CORO1C: variants seen among roughly 807,000 people sequenced by gnomAD.
CORO1C encodes the protein coronin 1C.
CORO1C carries 14 observed loss-of-function variants against 51.2 expected under a neutral mutation model. The observed-to-expected ratio is 0.27, with a 90% confidence interval of 0.18 to 0.43. CORO1C has a LOEUF of 0.43. Ranked by LOEUF, CORO1C falls within the 20% of genes least tolerant of loss-of-function variation. CORO1C has a pLI of 1.00. For synonymous variants in CORO1C, 181 were observed against 210.5 expected, an observed-to-expected ratio of 0.86 and a Z score of 1.21; for missense variants, 417 against 607.8, an observed-to-expected ratio of 0.69 and a Z score of 3.30.
rs913637652 is a variant in CORO1C, at chr12:108,649,104, C to T, written c.1002-84G>A. 16 of 1,499,610 alleles carry T rather than the reference C, an allele frequency of 1.1e-5. No homozygotes were observed. The African/African-American group carries it at 2.1e-4, about 19-fold the overall frequency. 92.9% of individuals were successfully genotyped at this position (1,499,610 alleles called of 1,614,324 possible). On this transcript the variant is annotated intron_variant, in intron 8 of 10. Coordinates refer to ENST00000261401, the MANE Select transcript of CORO1C (RefSeq NM_014325.4). ...GATGAATAATTAGTTTTCTACAATG[C>T]TGTCTGAAATGTCAAGTGCTTCTTT...
intron 8 of CORO1C, among the ~76,000 whole-genome samples, chr12:108,651,390 A>C (rs1334777389): frequency 6.6e-6 from 1 of 152,224 alleles, no homozygotes; most frequent in East Asian, 1.9e-4. Context: ...CCTGTCCCTT[A>C]GGAAGCCTGC....
intron 2 of CORO1C, among the ~76,000 whole-genome samples, chr12:108,680,563 T>C (rs962055693): frequency 1.3e-5 from 2 of 152,204 alleles, no homozygotes; most frequent in African/African-American, 4.8e-5. Flanking sequence ...TGTGAAGTCC[T>C]AGCCAAATTA....
intron 6 of CORO1C, among the ~76,000 whole-genome samples, chr12:108,656,779 T>C (rs1256068029): frequency 2.0e-5 from 3 of 152,252 alleles, no homozygotes; most frequent in African/African-American, 7.2e-5. Context: ...AAACATGTGC[T>C]GTGTCCACTC....
Position 108,645,254 on chromosome 12 carries a change from A to G in CORO1C, c.*2149T>C, listed in dbSNP as rs891322957. ...TTAAAAAAAAAAAAAAAAAAAGACA[A>G]AACAGGAAAATAATCCACAATGCTT... On this transcript the variant is annotated 3_prime_UTR_variant, in exon 11 of 11. Transcript: ENST00000261401. 1.3e-5 allele frequency: 2 copies of G among 151,982 alleles called. No homozygotes were observed. The highest frequency in any genetic ancestry group is 2.9e-5 in the Non-Finnish European group (2 of 68,004). 9.4% of individuals were successfully genotyped at this position (151,982 alleles called of 1,614,324 possible).
chr12:108,690,179 T>C (rs1438062290), intron 2 of CORO1C, among the ~76,000 whole-genome samples: 1 of 152,108 alleles, frequency 6.6e-6, no homozygotes, highest in Admixed American at 6.6e-5. Flanking sequence ...ACACAATATA[T>C]GACTTGTGCA....
At chr12:108,711,604 CG>C (rs1328704263) in intron 1 of CORO1C, among the ~76,000 whole-genome samples, 1 of 150,028 alleles carries the variant, frequency 6.7e-6, no homozygotes, top group East Asian at 2.0e-4. Context: ...TGCTTGAACT[CG>C]GGAGGCAGAG....
At chr12:108,655,595 T>C (rs930128875) in intron 6 of CORO1C, among the ~76,000 whole-genome samples, 9 of 152,376 alleles carry the variant, frequency 5.9e-5, no homozygotes, top group African/African-American at 1.9e-4. Flanking sequence ...TTGGCGGGGC[T>C]GGTCTCCAGC....
intron 2 of CORO1C, among the ~76,000 whole-genome samples, chr12:108,683,683 T>C (rs2136840276): frequency 6.6e-6 from 1 of 152,152 alleles, no homozygotes; most frequent in South Asian, 2.1e-4. Flanking sequence ...TTTTCAAGAA[T>C]AAATAAATGT....
chr12:108,729,250 T>C (rs1261670408), intron 1 of CORO1C, among the ~76,000 whole-genome samples: 1 of 152,114 alleles, frequency 6.6e-6, no homozygotes, highest in African/African-American at 2.4e-5. Context: ...CAACGGTGTT[T>C]AAAAAAATGC....
At chr12:108,728,184 C>A (rs1380451146) in intron 1 of CORO1C, among the ~76,000 whole-genome samples, 1 of 152,038 alleles carries the variant, frequency 6.6e-6, no homozygotes, top group South Asian at 2.1e-4. Context: ...TACAACCCAT[C>A]GATTACATTC....
chr12:108,656,787 C>T (rs2033038910), intron 6 of CORO1C, among the ~76,000 whole-genome samples: 1 of 152,206 alleles, frequency 6.6e-6, no homozygotes, highest in Non-Finnish European at 1.5e-5. Flanking sequence ...GCTGTGTCCA[C>T]TCAGGGTTAA....
intron 8 of CORO1C, among the ~76,000 whole-genome samples, chr12:108,650,180 CTTTTTTTTTT>C (rs1057367204): frequency 3.7e-5 from 3 of 80,414 alleles, no homozygotes; most frequent in East Asian, 4.1e-4. Flanking sequence ...AACCAAAAAC[CTTTTTTTTTT>C]TTTTTTTTTT....
In CORO1C at chr12:108,645,230, TAAAAAAAAA is replaced by T. The variant is rs35067523; in HGVS notation, c.*2164_*2172del. ...TGTCCTCTTCTGGGATGTCATGGCT[TAAAAAAAAA>T]AAAAAAAAAAGACAAAACAGGAAAA... On this transcript the variant is annotated 3_prime_UTR_variant, in exon 11 of 11. Coordinates refer to ENST00000261401, the MANE Select transcript of CORO1C (RefSeq NM_014325.4). The T allele has an allele frequency of 7.9e-6, 1 of 127,042 alleles. No homozygotes were observed. Among genetic ancestry groups the T allele is most frequent in the Non-Finnish European group, 1.7e-5 (1 of 59,244 alleles). 7.9% of individuals were successfully genotyped at this position (127,042 alleles called of 1,614,324 possible). A position where few individuals can be genotyped will look rare whatever the true frequency, so the allele number is the denominator to read the frequency against.
At chr12:108,717,849 G>A (rs1453076884) in intron 1 of CORO1C, among the ~76,000 whole-genome samples, 1 of 152,148 alleles carries the variant, frequency 6.6e-6, no homozygotes, top group Admixed American at 6.5e-5. Flanking sequence ...TTGGATCCAT[G>A]GCTTTAAAAT....
intron 2 of CORO1C, among the ~76,000 whole-genome samples, chr12:108,697,852 T>C (rs2034737928): frequency 6.6e-6 from 1 of 152,256 alleles, no homozygotes; most frequent in Non-Finnish European, 1.5e-5. Flanking sequence ...GACTCACTCA[T>C]ATTGTGTAAA....
intron 1 of CORO1C, among the ~76,000 whole-genome samples, chr12:108,719,175 G>A (rs552458803): frequency 1.3e-5 from 2 of 152,274 alleles, no homozygotes; most frequent in Non-Finnish European, 2.9e-5. Context: ...CATCACAATA[G>A]TAACTAAAGA....
intron 2 of CORO1C, among the ~76,000 whole-genome samples, chr12:108,700,360 G>A (rs2136864438): frequency 6.6e-6 from 1 of 152,178 alleles, no homozygotes; most frequent in Non-Finnish European, 1.5e-5. Flanking sequence ...TCTGGGATTT[G>A]CTGATAAAGT....
At chr12:108,654,256 A>G (rs1454790330) in intron 7 of CORO1C, 50 bp downstream of exon 7, 1 of 1,175,968 alleles carries the variant, frequency 8.5e-7, no homozygotes, top group Non-Finnish European at 1.3e-6. Flanking sequence ...CTGAAGGATA[A>G]ATGTTTCCAC....
Position 108,701,303 on chromosome 12 carries a change from G to A in CORO1C, c.16C>T (p.Arg6Ter), listed in dbSNP as rs938322744. 2.5e-6 allele frequency: 4 copies of A among 1,614,114 alleles called. No homozygotes were observed. The highest frequency in any genetic ancestry group is 1.7e-5 in the Admixed American group (1 of 60,016). ...AATACATGCCGAAACTTGCTCTGTC[G>A]TACCACTCGCCTCATCGTGTCTGCA... is the stretch of plus-strand genomic sequence containing the variant. MRRVV[R>*]QSKFRHVFGQ... Residue 6 changes from arginine to a stop codon, truncating the protein, a stop_gained, in exon 2 of 11, where the codon CGA becomes TGA. Transcript: ENST00000261401. LOFTEE classifies it high-confidence loss of function.
Sources: allele counts gnomAD v4.1 joint callset (sites outside exome capture counted in the v4.1 genomes callset), GRCh38; gene constraint gnomAD v4.1.1; transcripts MANE v1.5; gene names NCBI Gene and HGNC (gene_info 2026-07-23, HGNC 2026-07-21).